DSCAM: variants seen among roughly 807,000 people sequenced by gnomAD.
The protein encoded by DSCAM is cell adhesion molecule DSCAM.
In DSCAM, 47 loss-of-function variants were observed where a neutral mutation model predicts 217.7. The ratio of observed to expected loss-of-function variants is 0.22; its 90% CI spans 0.17 to 0.28. The LOEUF (loss-of-function observed/expected upper bound fraction) is 0.28, where lower values mean the gene tolerates loss of function less well. Among genes scored for constraint, DSCAM ranks in the 10% least tolerant of loss-of-function variants. The pLI, the probability that DSCAM is intolerant of heterozygous loss-of-function variation, is 1.00. For synonymous variants in DSCAM, 1,056 were observed against 1,015.3 expected (o/e 1.04, Z -0.76); for missense variants, 2,080 against 2,618.3 (o/e 0.79, Z 4.49).
At chr21:40,260,026 C>T (rs535427089) in intron 11 of DSCAM, among the ~76,000 whole-genome samples, 5 of 151,846 alleles carry the variant, frequency 3.3e-5, no homozygotes, top group African/African-American at 1.2e-4. Flanking sequence ...CGCGCCCAGC[C>T]GAGTCAGCCA....
At chr21:40,290,361 G>A (rs964457245) in intron 10 of DSCAM, among the ~76,000 whole-genome samples, 2 of 152,174 alleles carry the variant, frequency 1.3e-5, no homozygotes, top group African/African-American at 4.8e-5. Context: ...GGTGGCTCAC[G>A]TCTGTAATCC....
intron 20 of DSCAM, among the ~76,000 whole-genome samples, chr21:40,113,661 C>T (rs2089929336): frequency 6.6e-6 from 1 of 152,142 alleles, no homozygotes; most frequent in Non-Finnish European, 1.5e-5. Flanking sequence ...ATCTAGAAAA[C>T]CCCATCGTCT....
chr21:40,047,359 C>A (rs1395573235), intron 30 of DSCAM, among the ~76,000 whole-genome samples: 1 of 152,114 alleles, frequency 6.6e-6, no homozygotes, highest in Non-Finnish European at 1.5e-5. Flanking sequence ...CTGGGATTTA[C>A]TGCTCCTTCA....
chr21:40,836,866 A>T (rs1351547463), intron 1 of DSCAM, among the ~76,000 whole-genome samples: 1 of 152,254 alleles, frequency 6.6e-6, no homozygotes. Flanking sequence ...AGACAAAGTC[A>T]CATGGGATTA....
chr21:40,256,176 A>C (rs2146968679), intron 11 of DSCAM, among the ~76,000 whole-genome samples: 1 of 152,346 alleles, frequency 6.6e-6, no homozygotes, highest in East Asian at 1.9e-4. Context: ...GTGAATTTGC[A>C]GTTTCAACTT....
At position 40,075,168 on chromosome 21, in the gene DSCAM, C is replaced by G. The variant is rs750993445; in HGVS notation, c.4757G>C (p.Gly1586Ala). ...LIKSVVQNEE[G>A]LTTNEGLKML... ...CTTGAGCCCCTCGTTGGTCGTCAGC[C>G]CTTCTTCGTTTTGGACAACTGACTT... is the stretch of plus-strand genomic sequence containing the variant. Residue 1586 changes from glycine to alanine, a missense_variant, in exon 27 of 33, where the codon GGG (glycine) becomes GCG (alanine). Transcript: ENST00000400454. 9.3e-6 allele frequency: 15 copies of G among 1,614,084 alleles called. No homozygotes were observed. In the African/African-American group the frequency reaches 1.9e-4, roughly 20 times the overall value.
chr21:40,676,609 G>C (rs1451634803), intron 3 of DSCAM, among the ~76,000 whole-genome samples: 2 of 152,164 alleles, frequency 1.3e-5, no homozygotes, highest in Non-Finnish European at 2.9e-5. Context: ...GCAAGGAATA[G>C]AGTAGATTCA....
At chr21:40,766,416 T>C (rs1311277570) in intron 1 of DSCAM, among the ~76,000 whole-genome samples, 1 of 152,118 alleles carries the variant, frequency 6.6e-6, no homozygotes, top group Non-Finnish European at 1.5e-5. Context: ...TAAGGGAAGA[T>C]GACACATAAC....
intron 1 of DSCAM, among the ~76,000 whole-genome samples, chr21:40,730,424 G>A (rs1250334156): frequency 6.6e-6 from 1 of 152,156 alleles, no homozygotes; most frequent in Non-Finnish European, 1.5e-5. Flanking sequence ...GTTATTACTG[G>A]AATGTTTTAA....
intron 27 of DSCAM, among the ~76,000 whole-genome samples, chr21:40,073,916 A>ATGGACAGATTCTTAAT (rs2089329079): frequency 6.6e-6 from 1 of 152,236 alleles, no homozygotes; most frequent in African/African-American, 2.4e-5. Context: ...GGAGATTTAC[A>ATGGACAGATTCTTAAT]TGGACAGATT....
rs886372637 is a variant in DSCAM at position 40,016,418 on chromosome 21, T to C, written c.5687-3032A>G. On this transcript the variant is annotated intron_variant, in intron 32 of 32. Coordinates refer to ENST00000400454, the MANE Select transcript of DSCAM (RefSeq NM_001389.5). This position sits in a 1 kb window ranked among gnomAD's most constrained non-coding sequence, Gnocchi z 4.3. ...AAGATGAAGGGTTTAGTTTCAGACC[T>C]GCTGAGTTTGATGCAGCTGGGGACA... Among the ~76,000 whole-genome samples, 19 of 152,196 alleles carry C rather than the reference T, an allele frequency of 1.2e-4. No individual in the cohort carries two copies. The highest frequency in any genetic ancestry group is 2.5e-4 in the Non-Finnish European group (17 of 68,044).
chr21:40,670,403 T>C (rs936582409), intron 3 of DSCAM, among the ~76,000 whole-genome samples: 1 of 151,988 alleles, frequency 6.6e-6, no homozygotes, highest in Non-Finnish European at 1.5e-5. Flanking sequence ...CTGGGTGTGG[T>C]GGCGTGTGCC....
At chr21:40,300,827 G>A (rs1044005277) in intron 9 of DSCAM, among the ~76,000 whole-genome samples, 2 of 152,138 alleles carry the variant, frequency 1.3e-5, no homozygotes, top group Non-Finnish European at 2.9e-5. Context: ...CATCTGGGGT[G>A]GAATCCAATA....
Position 40,144,121 on chromosome 21 carries a change from AAAACCTTCTT to A in DSCAM, c.3259+360_3259+369del, listed in dbSNP as rs2090325955. 1.3e-5 allele frequency among the ~76,000 whole-genome samples: 2 copies of A among 152,270 alleles called. No homozygotes were observed. The highest frequency in any genetic ancestry group is 1.3e-4 in the Admixed American group (2 of 15,286). On this transcript the variant is annotated intron_variant, in intron 17 of 32. Coordinates refer to ENST00000400454, the MANE Select transcript of DSCAM (RefSeq NM_001389.5). This position sits in a 1 kb window ranked among gnomAD's most constrained non-coding sequence, Gnocchi z 4.8. ...CAATGAAAAATAAAATAAATTTTAA[AAAACCTTCTT>A]AACATTTGGGAGAAAGTTTTTTAGC...
At chr21:40,833,955 C>G (rs2123654865) in intron 1 of DSCAM, among the ~76,000 whole-genome samples, 1 of 152,164 alleles carries the variant, frequency 6.6e-6, no homozygotes, top group Admixed American at 6.5e-5. Flanking sequence ...GTAGCAACCC[C>G]CAACCAGATG....
At chr21:40,457,529 AAAACAAACAAAC>A (rs34271830) in intron 3 of DSCAM, among the ~76,000 whole-genome samples, 29 of 150,988 alleles carry the variant, frequency 1.9e-4, no homozygotes, top group African/African-American at 6.4e-4. Context: ...ATAATAAAAT[AAAACAAACAAAC>A]AAACAAACAA....
chr21:40,062,192 A>T (rs2089134213), intron 28 of DSCAM, among the ~76,000 whole-genome samples: 1 of 152,204 alleles, frequency 6.6e-6, no homozygotes, highest in East Asian at 1.9e-4. Flanking sequence ...TTTGCCAATC[A>T]CAAGCCTGTG....
At position 40,432,029 on chromosome 21, in the gene DSCAM, G is replaced by A. The variant is rs916293238; in HGVS notation, c.509-62784C>T. Among the ~76,000 whole-genome samples, 6 of 151,856 alleles carry A rather than the reference G, an allele frequency of 4.0e-5. No individual in the cohort carries two copies. In the South Asian group the frequency reaches 6.2e-4, roughly 16 times the overall value. ...AGCCTGGCCAACATAGTGAAACCCC[G>A]GCTCTATTAAAAAATACAAAAAAAT... On this transcript the variant is annotated intron_variant, in intron 3 of 32. Transcript: ENST00000400454.
intron 1 of DSCAM, among the ~76,000 whole-genome samples, chr21:40,735,143 T>G (rs991765518): frequency 6.6e-6 from 1 of 152,260 alleles, no homozygotes; most frequent in Non-Finnish European, 1.5e-5. Context: ...CTGAGGGTAC[T>G]GATCCACGTG....
Sources: gnomAD v4.1 joint callset for allele counts (sites outside exome capture counted in the v4.1 genomes callset) on GRCh38, gnomAD v4.1.1 for gene constraint, Gnocchi (gnomAD v3.1) non-coding constraint, MANE v1.5 for transcripts, NCBI Gene and HGNC (gene_info 2026-07-23, HGNC 2026-07-21) for gene names.